The following TAMM41 variants were observed in gnomAD, a reference collection of about 807,000 sequenced individuals.
TAMM41 encodes TAM41 mitochondrial translocator assembly and maintenance homolog, also known as phosphatidate cytidylyltransferase, mitochondrial.
Under a neutral mutation model 44.1 loss-of-function variants are expected in TAMM41, and 36 were observed. The observed-to-expected ratio is 0.82, with a 90% CI of 0.63 to 1.08. The LOEUF is 1.08. Ranked by LOEUF, TAMM41 falls within the 50% of genes least tolerant of loss-of-function variation. TAMM41 has a pLI of 0.00. For missense variants in TAMM41, 417 were observed against 404.3 expected (o/e 1.03, Z -0.27); for synonymous variants, 164 against 153.1 (o/e 1.07, Z -0.53).
chr3:11,727,425 C>T, the TAMM41 span, among the ~76,000 whole-genome samples: 1 of 152,156 alleles, frequency 6.6e-6, no homozygotes, highest in Non-Finnish European at 1.5e-5. Context: ...GACTCATATT[C>T]ACAGTGCACT....
At chr3:11,770,512 T>G in the TAMM41 span, among the ~76,000 whole-genome samples, 5 of 152,168 alleles carry the variant, frequency 3.3e-5, no homozygotes, top group South Asian at 1.0e-3. Context: ...AAAAAGCCAT[T>G]TAAAATGCTC....
intron 4 of TAMM41, among the ~76,000 whole-genome samples, chr3:11,825,862 G>A (rs1455341016): frequency 6.6e-6 from 1 of 151,946 alleles, no homozygotes; most frequent in Non-Finnish European, 1.5e-5. Context: ...TGTGATCATA[G>A]TTCACTGCAG....
chr3:11,801,354 C>T (rs1575613531), intron 7 of TAMM41, among the ~76,000 whole-genome samples: 1 of 152,164 alleles, frequency 6.6e-6, no homozygotes, highest in East Asian at 1.9e-4. Flanking sequence ...ACCCCTGAGA[C>T]AGGGTCTTAC....
chr3:11,752,625 C>CTTTTTTTTTTTTTTTTT, the TAMM41 span, among the ~76,000 whole-genome samples: 202 of 39,958 alleles, frequency 5.1e-3, 42 homozygotes, highest in Non-Finnish European at 8.2e-3. Flanking sequence ...TCTTACAAAG[C>CTTTTTTTTTTTTTTTTT]TTTTTTTTTT....
the TAMM41 span, among the ~76,000 whole-genome samples, chr3:11,759,267 T>C: frequency 1.3e-4 from 20 of 152,086 alleles, no homozygotes; most frequent in Non-Finnish European, 2.4e-4. Context: ...GTGATCGCCA[T>C]CTAAGAGCTT....
intron 4 of TAMM41, among the ~76,000 whole-genome samples, chr3:11,829,106 G>C (rs1054753993): frequency 6.6e-6 from 1 of 152,106 alleles, no homozygotes; most frequent in Non-Finnish European, 1.5e-5. Context: ...TAATATGTGT[G>C]ACCTACCCTC....
At chr3:11,753,608 G>T in the TAMM41 span, among the ~76,000 whole-genome samples, 1 of 150,858 alleles carries the variant, frequency 6.6e-6, no homozygotes, top group Non-Finnish European at 1.5e-5. Flanking sequence ...GTGGTGGCGG[G>T]CGCCTGTAGT....
intron 7 of TAMM41, among the ~76,000 whole-genome samples, chr3:11,802,664 G>T (rs1221660360): frequency 6.6e-6 from 1 of 152,128 alleles, no homozygotes. Context: ...ATTCTAAAAA[G>T]ATCAAGGAGG....
the TAMM41 span, among the ~76,000 whole-genome samples, chr3:11,784,796 C>CTT: frequency 2.8e-4 from 30 of 108,988 alleles, no homozygotes; most frequent in African/African-American, 9.1e-4. Flanking sequence ...CTTTTCTTTT[C>CTT]TTTTTTTTTT....
the TAMM41 span, among the ~76,000 whole-genome samples, chr3:11,750,625 A>C: frequency 2.0e-5 from 3 of 152,154 alleles, no homozygotes; most frequent in East Asian, 5.8e-4. Context: ...TGAAATATTG[A>C]CTGCTACTGA....
chr3:11,779,392 C>G, the TAMM41 span, among the ~76,000 whole-genome samples: 1 of 152,176 alleles, frequency 6.6e-6, no homozygotes, highest in Non-Finnish European at 1.5e-5. Flanking sequence ...TGAGAACTCA[C>G]TCACTCCAGT....
chr3:11,782,966 A>T, the TAMM41 span, among the ~76,000 whole-genome samples: 1 of 152,166 alleles, frequency 6.6e-6, no homozygotes, highest in Non-Finnish European at 1.5e-5. Flanking sequence ...TTGAAGACTC[A>T]CTGCAATGGA....
the TAMM41 span, among the ~76,000 whole-genome samples, chr3:11,784,816 T>C: frequency 7.6e-6 from 1 of 131,218 alleles, no homozygotes; most frequent in East Asian, 2.8e-4. Flanking sequence ...TTTTTTTTTT[T>C]TGAGGAGGAG....
intron 2 of TAMM41, 114 bp downstream of exon 2, chr3:11,843,915 G>T: frequency 9.3e-7 from 1 of 1,069,782 alleles, no homozygotes; most frequent in Non-Finnish European, 1.4e-6. Context: ...CTATAACAAC[G>T]TCCAGCAGGA....
At chr3:11,737,196 C>G in the TAMM41 span, among the ~76,000 whole-genome samples, 1 of 152,056 alleles carries the variant, frequency 6.6e-6, no homozygotes, top group East Asian at 1.9e-4. Flanking sequence ...TGTCTATAAC[C>G]CAGAACCCTG....
At chr3:11,733,730 C>T in the TAMM41 span, among the ~76,000 whole-genome samples, 1 of 151,836 alleles carries the variant, frequency 6.6e-6, no homozygotes, top group Non-Finnish European at 1.5e-5. Context: ...CTCCTGACCT[C>T]GTGATGCATC....
At chr3:11,803,202 G>T (rs2124940335) in intron 7 of TAMM41, among the ~76,000 whole-genome samples, 1 of 152,300 alleles carries the variant, frequency 6.6e-6, no homozygotes, top group South Asian at 2.1e-4. Context: ...AACCCAGGAG[G>T]CAGAGGTTGC....
the TAMM41 span, among the ~76,000 whole-genome samples, chr3:11,759,533 C>T: frequency 6.6e-6 from 1 of 151,998 alleles, no homozygotes; most frequent in Admixed American, 6.6e-5. Context: ...AGACACCTGG[C>T]TTCCACAGCC....
chr3:11,771,459 G>A, the TAMM41 span: 1 of 152,220 alleles, frequency 6.6e-6, no homozygotes, highest in African/African-American at 2.4e-5. Flanking sequence ...TCTTTTCAGA[G>A]TCTCTGTTGC....
Sources: gnomAD v4.1 joint callset for allele counts (sites outside exome capture counted in the v4.1 genomes callset) on GRCh38, gnomAD v4.1.1 for gene constraint, MANE v1.5 for transcripts, NCBI Gene and HGNC (gene_info 2026-07-23, HGNC 2026-07-21) for gene names.